The following TBC1D1 variants were observed in gnomAD, a reference collection of about 807,000 sequenced individuals.
TBC1D1 encodes the protein TBC1 domain family member 1, also known as TBC1 (tre-2/USP6, BUB2, cdc16) domain family, member 1.
A neutral mutation model predicts 125.6 loss-of-function variants in TBC1D1; 89 were observed. The ratio of observed to expected loss-of-function variants is 0.71; its 90% CI spans 0.60 to 0.85. The LOEUF (loss-of-function observed/expected upper bound fraction) is 0.85, where lower values mean the gene tolerates loss of function less well. Among genes scored for constraint, TBC1D1 ranks in the 40% least tolerant of loss-of-function variants. The pLI, the probability that TBC1D1 is intolerant of heterozygous loss-of-function variation, is 0.00. For missense variants in TBC1D1, 1,377 were observed against 1,469.2 expected (o/e 0.94, Z 1.03); for synonymous variants, 565 against 564.1 (o/e 1.00, Z -0.02).
At chr4:37,986,655 A>G (rs1304581018) in intron 2 of TBC1D1, among the ~76,000 whole-genome samples, 1 of 152,146 alleles carries the variant, frequency 6.6e-6, no homozygotes. Context: ...CATGTTGGCC[A>G]GGTTGGTCTT....
At chr4:38,061,475 T>C (rs961040387) in intron 12 of TBC1D1, among the ~76,000 whole-genome samples, 1 of 152,226 alleles carries the variant, frequency 6.6e-6, no homozygotes, top group South Asian at 2.1e-4. Context: ...TAGGGAACAA[T>C]ATTAAATTTA....
At chr4:38,095,086 A>G (rs1424721645) in intron 13 of TBC1D1, among the ~76,000 whole-genome samples, 1 of 152,162 alleles carries the variant, frequency 6.6e-6, no homozygotes, top group South Asian at 2.1e-4. Flanking sequence ...TTAAAAATGT[A>G]TTCAACAGAG....
At chr4:38,084,034 T>G (rs574167777) in intron 12 of TBC1D1, among the ~76,000 whole-genome samples, 1 of 150,030 alleles carries the variant, frequency 6.7e-6, no homozygotes, top group South Asian at 2.2e-4. Flanking sequence ...GCCTCCCGGG[T>G]TCATGCCATT....
rs1356167297 is a variant in TBC1D1, at chr4:38,138,060, T to G, written c.*725T>G. 1 of 151,888 alleles carries G rather than the reference T, an allele frequency of 6.6e-6. No homozygotes were observed. The highest frequency in any genetic ancestry group is 1.5e-5 in the Non-Finnish European group (1 of 68,034). The allele number at this position is 151,888 out of a possible 1,614,324, so 9.4% of individuals were successfully genotyped here. ...CATCAAATTAAATAAAATGATTTATTTAATTTGGATATCCTGATCACTGTC... is the reference window on the plus strand; with the variant it reads ...CATCAAATTAAATAAAATGATTTATGTAATTTGGATATCCTGATCACTGTC... On this transcript the variant is annotated 3_prime_UTR_variant, in exon 20 of 20. Transcript: ENST00000261439.
intron 2 of TBC1D1, among the ~76,000 whole-genome samples, chr4:37,989,210 T>G (rs981550493): frequency 1.3e-5 from 2 of 152,234 alleles, no homozygotes; most frequent in Non-Finnish European, 2.9e-5. Context: ...AGGCCTCATC[T>G]GCATGATAAA....
Position 38,090,078 on chromosome 4 carries a change from C to G in TBC1D1, c.2197C>G (p.Leu733Val). 6.2e-7 allele frequency: 1 copy of G among 1,614,120 alleles called. No homozygotes were observed. Reference sequence around the variant, plus strand: ...GCAAAAGGCTATTCTTCAACAGATACTGCTGCTTAGAATGGAGAAGGAAAA... The same window carrying G: ...GCAAAAGGCTATTCTTCAACAGATAGTGCTGCTTAGAATGGAGAAGGAAAA... The change falls in exon 13 of 20, where the codon CTG becomes GTG. Residue 733 changes from leucine (L) to valine (V), a missense_variant. Leu to Val is a conservative substitution (Grantham distance 32). Transcript: ENST00000261439.
intron 2 of TBC1D1, among the ~76,000 whole-genome samples, chr4:37,939,287 C>A (rs1725041805): frequency 1.3e-5 from 2 of 152,210 alleles, no homozygotes; most frequent in Non-Finnish European, 2.9e-5. Flanking sequence ...TGATGATGAG[C>A]ATTTTCTCAT....
chr4:37,913,318 G>A (rs962311163), intron 2 of TBC1D1, among the ~76,000 whole-genome samples: 2 of 152,104 alleles, frequency 1.3e-5, no homozygotes, highest in Non-Finnish European at 1.5e-5. Flanking sequence ...TATATTCAGG[G>A]CTGGGCACGG....
chr4:37,907,037 CTA>C (rs1717498629), intron 2 of TBC1D1, among the ~76,000 whole-genome samples: 2 of 152,232 alleles, frequency 1.3e-5, no homozygotes, highest in East Asian at 1.9e-4. Flanking sequence ...TTGTGAATAA[CTA>C]TGTCTTCCAA....
chr4:38,069,101 C>T (rs1173283213), intron 12 of TBC1D1, among the ~76,000 whole-genome samples: 2 of 152,178 alleles, frequency 1.3e-5, no homozygotes, highest in Non-Finnish European at 2.9e-5. Context: ...TATCCAGGTT[C>T]CTTGTTTTGC....
intron 2 of TBC1D1, among the ~76,000 whole-genome samples, chr4:37,922,302 A>G (rs1482985107): frequency 6.6e-6 from 1 of 152,194 alleles, no homozygotes; most frequent in Admixed American, 6.5e-5. Context: ...AACCCGTCCT[A>G]TTGAGGAAAC....
intron 15 of TBC1D1, among the ~76,000 whole-genome samples, chr4:38,112,305 G>GT (rs1762317517): frequency 6.6e-6 from 1 of 152,220 alleles, no homozygotes; most frequent in East Asian, 1.9e-4. Flanking sequence ...CTTATGTGCA[G>GT]TGTTATAGTT....
chr4:37,930,550 C>A (rs1294832205), intron 2 of TBC1D1, among the ~76,000 whole-genome samples: 1 of 151,730 alleles, frequency 6.6e-6, no homozygotes, highest in Non-Finnish European at 1.5e-5. Context: ...TGGATTTGAA[C>A]TCATGGGCTC....
intron 2 of TBC1D1, among the ~76,000 whole-genome samples, chr4:37,979,003 A>G (rs1234037640): frequency 6.6e-6 from 1 of 152,142 alleles, no homozygotes; most frequent in East Asian, 1.9e-4. Flanking sequence ...CAGCCTCCCC[A>G]GTAGCTGGGA....
At chr4:37,942,397 T>G (rs939528641) in intron 2 of TBC1D1, among the ~76,000 whole-genome samples, 1 of 151,984 alleles carries the variant, frequency 6.6e-6, no homozygotes, top group Non-Finnish European at 1.5e-5. Flanking sequence ...CTCCATCCCT[T>G]TATTTTGAGC....
In TBC1D1 at chr4:38,118,176, C is replaced by T. The variant is rs1184934992; in HGVS notation, c.2946C>T (p.Phe982=). The change falls in exon 17 of 20, where the codon TTC becomes TTT. Residue 982 remains phenylalanine, a synonymous_variant. Coordinates refer to ENST00000261439, the MANE Select transcript of TBC1D1 (RefSeq NM_015173.4). ...TTGCCTCACAGTTCCCGCTGGGATTCGTAGCCAGAGTCTTTGGTGAGCATT... is the reference window on the plus strand; with the variant it reads ...TTGCCTCACAGTTCCCGCTGGGATTTGTAGCCAGAGTCTTTGGTGAGCATT... The T allele has an allele frequency of 8.7e-6, 14 of 1,614,090 alleles. No individual in the cohort carries two copies. Among genetic ancestry groups the T allele is most frequent in the African/African-American group, 1.3e-5 (1 of 74,936 alleles).
intron 2 of TBC1D1, among the ~76,000 whole-genome samples, chr4:38,002,196 C>T (rs1376253626): frequency 6.6e-6 from 1 of 152,104 alleles, no homozygotes; most frequent in African/African-American, 2.4e-5. Context: ...AACAAAACCT[C>T]AGTCGCTCTT....
At chr4:37,924,702 T>C (rs1374724193) in intron 2 of TBC1D1, among the ~76,000 whole-genome samples, 1 of 152,238 alleles carries the variant, frequency 6.6e-6, no homozygotes, top group African/African-American at 2.4e-5. Context: ...AGTATCAGAA[T>C]TGTATTCCTT....
At chr4:37,892,397 C>A (rs1048014023) in intron 1 of TBC1D1, among the ~76,000 whole-genome samples, 7 of 151,750 alleles carry the variant, frequency 4.6e-5, no homozygotes, top group African/African-American at 1.5e-4. Context: ...GCCTGGGTGA[C>A]AAAGTGAGAT....
Sources: gnomAD v4.1 joint callset for allele counts (sites outside exome capture counted in the v4.1 genomes callset) on GRCh38, gnomAD v4.1.1 for gene constraint, MANE v1.5 for transcripts, NCBI Gene and HGNC (gene_info 2026-07-23, HGNC 2026-07-21) for gene names.